MGAT5B: variants seen among roughly 807,000 people sequenced by gnomAD.
MGAT5B encodes the protein alpha-1,6-mannosylglycoprotein 6-beta-N-acetylglucosaminyltransferase B.
Under a neutral mutation model 95.1 loss-of-function variants are expected in MGAT5B, and 54 were observed. The observed-to-expected ratio is 0.57, with a 90% confidence interval of 0.46 to 0.71. The LOEUF (loss-of-function observed/expected upper bound fraction) is 0.71. Among genes scored for constraint, MGAT5B ranks in the 30% least tolerant of loss-of-function variants. The pLI, the probability that MGAT5B is intolerant of heterozygous loss-of-function variation, is 0.00. For missense variants in MGAT5B, 935 were observed against 1,088.6 expected (o/e 0.86, Z 1.99); for synonymous variants, 464 against 451.0 (o/e 1.03, Z -0.36).
chr17:76,900,434 A>G (rs1456979600), intron 3 of MGAT5B, among the ~76,000 whole-genome samples: 1 of 152,218 alleles, frequency 6.6e-6, no homozygotes, highest in East Asian at 1.9e-4. Flanking sequence ...AGGAGGTGCT[A>G]CTGGATTTGG....
intron 3 of MGAT5B, among the ~76,000 whole-genome samples, chr17:76,897,659 C>CTCTTTCTTTCTTTCTTTCTTTCTT (rs1567800041): frequency 1.8e-5 from 2 of 108,970 alleles, no homozygotes; most frequent in African/African-American, 3.1e-5. Flanking sequence ...CAAGTAAGGC[C>CTCTTTCTTTCTTTCTTTCTTTCTT]ACTTTCTTTC....
rs1413626033 is a variant in MGAT5B at position 76,869,510 on chromosome 17, C to G, written c.68+413C>G. 6.6e-6 allele frequency among the ~76,000 whole-genome samples: 1 copy of G among 152,128 alleles called. No individual in the cohort carries two copies. Among genetic ancestry groups the G allele is most frequent in the African/African-American group, 2.4e-5 (1 of 41,426 alleles). ...GGCGCCTTGGAGCTCCCCCTCCGGT[C>G]CCTCCCGTCCCGCCCGTCTGCCCCT... On this transcript the variant is annotated intron_variant, in intron 1 of 17. Coordinates refer to ENST00000569840, the MANE Select transcript of MGAT5B (RefSeq NM_001199172.2). This position sits in a 1 kb window ranked among gnomAD's most constrained non-coding sequence, Gnocchi z 7.0.
At chr17:76,890,639 G>A (rs1436552844) in intron 3 of MGAT5B, among the ~76,000 whole-genome samples, 1 of 152,028 alleles carries the variant, frequency 6.6e-6, no homozygotes, top group East Asian at 1.9e-4. Flanking sequence ...GAGTAGCTCA[G>A]CCTGCAGGTG....
At chr17:76,934,191 T>A (rs1397999548) in intron 12 of MGAT5B, among the ~76,000 whole-genome samples, 1 of 152,228 alleles carries the variant, frequency 6.6e-6, no homozygotes, top group Non-Finnish European at 1.5e-5. Flanking sequence ...GAGAGCTTGC[T>A]ATGTGCCAGG....
At chr17:76,925,361 G>A (rs1456923111) in intron 9 of MGAT5B, among the ~76,000 whole-genome samples, 2 of 144,988 alleles carry the variant, frequency 1.4e-5, no homozygotes, top group Non-Finnish European at 3.0e-5. Flanking sequence ...CAGGAGGCCG[G>A]GGTCATCTAC....
rs113300616 is a variant in MGAT5B, at chr17:76,905,111, G to A, written c.691-58G>A. On this transcript the variant is annotated intron_variant, in intron 6 of 17. Transcript: ENST00000569840. This position sits in a 1 kb window ranked among gnomAD's most constrained non-coding sequence, Gnocchi z 4.2. ...TGCCAGCCCCTGTCCCCAGGCCAGC[G>A]GGGAATGATGGTGGCCGCAGGTTGA... 0.02 allele frequency: 30,434 copies of A among 1,541,480 alleles called. 393 individuals are homozygous for A. The highest frequency in any genetic ancestry group is 0.049 in the Middle Eastern group (281 of 5,750).
intron 2 of MGAT5B, among the ~76,000 whole-genome samples, chr17:76,879,387 A>G (rs538472065): frequency 1.3e-5 from 2 of 152,330 alleles, no homozygotes; most frequent in Admixed American, 1.3e-4. Context: ...GTGGTCAGTC[A>G]GGCCTGAGTG....
intron 12 of MGAT5B, among the ~76,000 whole-genome samples, chr17:76,936,422 A>AAAAC (rs1969675347): frequency 1.3e-5 from 2 of 152,184 alleles, no homozygotes; most frequent in African/African-American, 4.8e-5. Flanking sequence ...ACAAACAAAC[A>AAAAC]AAACAATGTC....
intron 12 of MGAT5B, among the ~76,000 whole-genome samples, chr17:76,933,736 G>A (rs937503821): frequency 5.3e-5 from 8 of 152,264 alleles, no homozygotes; most frequent in South Asian, 2.1e-4. Context: ...TCTGGCTGTC[G>A]CAGGGAAACC....
chr17:76,883,031 C>T (rs1967494582), intron 3 of MGAT5B, among the ~76,000 whole-genome samples: 1 of 150,720 alleles, frequency 6.6e-6, no homozygotes. Flanking sequence ...TTTTGAGACA[C>T]TCTTACTCTG....
chr17:76,876,661 G>A (rs1163914078), intron 2 of MGAT5B, among the ~76,000 whole-genome samples: 1 of 152,138 alleles, frequency 6.6e-6, no homozygotes, highest in Admixed American at 6.5e-5. Context: ...TCTATGTGTG[G>A]GGCCTCCAAA....
chr17:76,937,230 G>A (rs897507933), intron 12 of MGAT5B, among the ~76,000 whole-genome samples: 1 of 152,158 alleles, frequency 6.6e-6, no homozygotes, highest in African/African-American at 2.4e-5. Flanking sequence ...TTTCTCTAGG[G>A]TGGAATTCCT....
chr17:76,936,054 G>A (rs1459741887), intron 12 of MGAT5B, among the ~76,000 whole-genome samples: 1 of 150,488 alleles, frequency 6.6e-6, no homozygotes. Context: ...TCCCGCCTCA[G>A]CCTCTCAAAG....
Position 76,897,660 on chromosome 17 carries a change from ACTTTCTTTCTTTCTTT to A in MGAT5B, c.330-4842_330-4827del, listed in dbSNP as rs772516557. Among the ~76,000 whole-genome samples, 136 of 69,398 alleles carry A rather than the reference ACTTTCTTTCTTTCTTT, an allele frequency of 2.0e-3. 3 individuals carry two copies. The highest frequency in any genetic ancestry group is 8.6e-3 in the South Asian group (17 of 1,970). The allele number at this position is 69,398 out of a possible 152,430, so 45.5% of individuals were successfully genotyped here. On this transcript the variant is annotated intron_variant, in intron 3 of 17. Coordinates refer to ENST00000569840, the MANE Select transcript of MGAT5B (RefSeq NM_001199172.2). ...AAAGACCCTATTCCCAAGTAAGGCC[ACTTTCTTTCTTTCTTT>A]CTTTCTTTCTTTCTTTCTTTCTTTC...
chr17:76,925,056 G>A lies in MGAT5B; in HGVS notation c.1116G>A (p.Gln372=), dbSNP rs1429654846. ...DLIYTDYHGL[Q]QMKRHMGLSF... The stretch of plus-strand genomic sequence containing the variant: ...TCTACACCGACTACCACGGCCTGCA[G>A]CAGATGAAGCGGCACATGGGACTCT... The change falls in exon 9 of 18, where the codon CAG becomes CAA. Residue 372 remains glutamine, a synonymous_variant. Coordinates refer to ENST00000569840, the MANE Select transcript of MGAT5B (RefSeq NM_001199172.2). The A allele has an allele frequency of 7.4e-6, 12 of 1,611,496 alleles. No homozygotes were observed. Among genetic ancestry groups the A allele is most frequent in the Non-Finnish European group, 1.0e-5 (12 of 1,179,376 alleles).
intron 12 of MGAT5B, among the ~76,000 whole-genome samples, chr17:76,933,871 T>G (rs1969574059): frequency 6.6e-6 from 1 of 152,140 alleles, no homozygotes; most frequent in Non-Finnish European, 1.5e-5. Flanking sequence ...CGTGTTTAGT[T>G]TCCACCTTGG....
Position 76,940,373 on chromosome 17 carries a change from C to T in MGAT5B, c.1585-29C>T, listed in dbSNP as rs769107943. ...ACTGGGCTGTGGCGGCCCAGCCCTC[C>T]CTGATCACTGCGCCCCTTGACTCTG... On this transcript the variant is annotated intron_variant, in intron 13 of 17. Transcript: ENST00000569840. The surrounding 1 kb of genome is among the most constrained non-coding windows in gnomAD (Gnocchi z 4.3). The T allele has an allele frequency of 6.4e-7, 1 of 1,557,510 alleles. No homozygotes were observed. Among genetic ancestry groups the T allele is most frequent in the Non-Finnish European group, 8.7e-7 (1 of 1,149,432 alleles).
chr17:76,935,328 ACAATTTTTTG>A (rs1368645768), intron 12 of MGAT5B, among the ~76,000 whole-genome samples: 1 of 137,766 alleles, frequency 7.3e-6, no homozygotes, highest in African/African-American at 2.6e-5. Flanking sequence ...TGGTTCGTGT[ACAATTTTTTG>A]TAGAAACATA....
Position 76,918,906 on chromosome 17 carries a change from G to A in MGAT5B, c.1026-6060G>A, listed in dbSNP as rs916999718. On this transcript the variant is annotated intron_variant, in intron 8 of 17. Coordinates refer to ENST00000569840, the MANE Select transcript of MGAT5B (RefSeq NM_001199172.2). The surrounding 1 kb of genome is among the most constrained non-coding windows in gnomAD (Gnocchi z 5.1). The stretch of plus-strand genomic sequence containing the variant: ...CTCCCACACAAGAGAAAGAGAGAGA[G>A]AATAGTGTGTTCCACAATTTGAGCA... 4.0e-5 allele frequency among the ~76,000 whole-genome samples: 6 copies of A among 149,728 alleles called. No individual in the cohort carries two copies. The highest frequency in any genetic ancestry group is 1.5e-4 in the African/African-American group (6 of 40,184).
Sources: gnomAD v4.1 joint callset for allele counts (sites outside exome capture counted in the v4.1 genomes callset) on GRCh38, gnomAD v4.1.1 for gene constraint, Gnocchi (gnomAD v3.1) non-coding constraint, MANE v1.5 for transcripts, NCBI Gene and HGNC (gene_info 2026-07-23, HGNC 2026-07-21) for gene names.